Variants in CD1D observed in about 807,000 individuals in gnomAD.
The protein encoded by CD1D is CD1d molecule.
Under a neutral mutation model 42.1 loss-of-function variants are expected in CD1D, and 40 were observed. The observed-to-expected ratio is 0.95, with a 90% CI of 0.74 to 1.24. CD1D has a LOEUF of 1.24. CD1D is among the 50% of genes most tolerant of loss of function. The pLI is 0.00. For missense variants in CD1D, 437 were observed against 416.5 expected (o/e 1.05, Z -0.43); for synonymous variants, 178 against 171.8 (o/e 1.04, Z -0.28).
rs924509776 is a variant in CD1D at position 158,182,426 on chromosome 1, G to A, written c.607+116G>A. The A allele has an allele frequency of 3.5e-6, 4 of 1,141,264 alleles. No homozygotes were observed. The African/African-American group carries it at 4.6e-5, about 13-fold the overall frequency. 70.7% of individuals were successfully genotyped at this position (1,141,264 alleles called of 1,614,324 possible). A position where few individuals can be genotyped will look rare whatever the true frequency, so the allele number is the denominator to read the frequency against. ...AGAAGAGGAAGGCCCAGGAGGGGCT[G>A]GATAAGGGGTGAGGGTATTTATTCA... On this transcript the variant is annotated intron_variant, in intron 3 of 5. Transcript: ENST00000674085.
Position 158,181,483 on chromosome 1 carries a change from C to T in CD1D, c.90C>T (p.Cys30=). 1 of 1,614,154 alleles carries T rather than the reference C, an allele frequency of 6.2e-7. No homozygotes were observed. The highest frequency in any genetic ancestry group is 8.5e-7 in the Non-Finnish European group (1 of 1,180,002). Residue 30 remains cysteine, a synonymous_variant, in exon 2 of 6, where the codon TGC becomes TGT. Coordinates refer to ENST00000674085, the MANE Select transcript of CD1D (RefSeq NM_001371762.2). The part of the protein sequence containing the change: ...EVPQRLFPLR[C]LQISSFANSS... ...CGCAAAGGCTTTTCCCCCTCCGCTG[C>T]CTCCAGATCTCGTCCTTCGCCAATA... is the stretch of plus-strand genomic sequence containing the variant.
At position 158,184,356 on chromosome 1, in the gene CD1D, A is replaced by C; in HGVS notation, c.*206A>C. 1 of 604,920 alleles carries C rather than the reference A, an allele frequency of 1.7e-6. No individual in the cohort carries two copies. Among genetic ancestry groups the C allele is most frequent in the Non-Finnish European group, 2.9e-6 (1 of 344,092 alleles). 37.5% of individuals were successfully genotyped at this position (604,920 alleles called of 1,614,324 possible). On this transcript the variant is annotated 3_prime_UTR_variant, in exon 6 of 6. Coordinates refer to ENST00000674085, the MANE Select transcript of CD1D (RefSeq NM_001371762.2). ...AAAGAATTTAAATTCTTTTTCAAAA[A>C]TTACACTACAAGTTTATAAGCCCAA...
chr1:158,181,970 T>A (rs947296336), intron 2 of CD1D, 62 bp from the exon 3 acceptor site: 30 of 1,523,288 alleles, frequency 2.0e-5, no homozygotes, highest in Non-Finnish European at 2.3e-5. Context: ...ATCAATTTCT[T>A]CTCTTTCATC....
chr1:158,183,857 C>T (rs1648575785), intron 4 of CD1D, 79 bp from the exon 5 acceptor site: 3 of 1,098,060 alleles, frequency 2.7e-6, no homozygotes, highest in East Asian at 2.4e-5. Context: ...GGTACCCTCA[C>T]ACATGCCTAG....
chr1:158,185,405 A>G lies in CD1D; in HGVS notation c.*1255A>G, dbSNP rs547596250. Among the ~76,000 whole-genome samples the G allele has an allele frequency of 2.6e-5, 4 of 152,308 alleles. No homozygotes were observed. The highest frequency in any genetic ancestry group is 6.5e-5 in the Admixed American group (1 of 15,306). On this transcript the variant is annotated 3_prime_UTR_variant, in exon 6 of 6. Transcript: ENST00000674085. ...GCGTGAAGATTCTGCTAGCTTCAAC[A>G]TATCCCAAAGCACTTGGATATGCCT... is the stretch of plus-strand genomic sequence containing the variant.
Position 158,183,918 on chromosome 1 carries a change from T to C in CD1D, c.887-18T>C. On this transcript the variant is annotated intron_variant, in intron 4 of 5. Coordinates refer to ENST00000674085, the MANE Select transcript of CD1D (RefSeq NM_001371762.2). ...AGGGGTCCTGTGCTGAGAGACAGCC[T>C]ATGTTCCTCCAGAGCAGGTGGGAGC... The C allele has an allele frequency of 6.2e-7, 1 of 1,601,834 alleles. No individual in the cohort carries two copies. The highest frequency in any genetic ancestry group is 2.2e-5 in the East Asian group (1 of 44,824).
chr1:158,183,319 A>G (rs1648547479), intron 4 of CD1D, among the ~76,000 whole-genome samples, 163 bp downstream of exon 4: 1 of 152,118 alleles, frequency 6.6e-6, no homozygotes, highest in Non-Finnish European at 1.5e-5. Context: ...CACAGGAAGG[A>G]GGGAAATAAA....
upstream of CD1D, among the ~76,000 whole-genome samples, chr1:158,180,462 ACT>A (rs1648339909): frequency 6.6e-6 from 1 of 152,162 alleles, no homozygotes; most frequent in African/African-American, 2.4e-5. Flanking sequence ...GCTAGGGAAC[ACT>A]GAGGTGGAGG....
upstream of CD1D, among the ~76,000 whole-genome samples, chr1:158,178,958 A>C (rs945246120): frequency 1.3e-5 from 2 of 152,168 alleles, no homozygotes; most frequent in African/African-American, 2.4e-5. Context: ...GATAGTCCTA[A>C]CTTCTGAAGG....
intron 4 of CD1D, among the ~76,000 whole-genome samples, 177 bp from the exon 5 acceptor site, chr1:158,183,759 G>A (rs553337835): frequency 6.6e-6 from 1 of 152,302 alleles, no homozygotes; most frequent in East Asian, 1.9e-4. Context: ...AATTTGGGAT[G>A]CCCAGGCACT....
chr1:158,180,664 G>A (rs1189944230), upstream of CD1D, among the ~76,000 whole-genome samples: 8 of 152,194 alleles, frequency 5.3e-5, no homozygotes, highest in Non-Finnish European at 7.3e-5. Context: ...CTAGAGACAT[G>A]TACTGCTAAA....
upstream of CD1D, among the ~76,000 whole-genome samples, chr1:158,178,726 T>C (rs1487381012): frequency 6.6e-6 from 1 of 152,190 alleles, no homozygotes; most frequent in Non-Finnish European, 1.5e-5. Flanking sequence ...GATCATGTAG[T>C]ACCCACCGTG....
intron 4 of CD1D, 99 bp downstream of exon 4, chr1:158,183,255 G>A: frequency 7.0e-7 from 1 of 1,420,584 alleles, no homozygotes; most frequent in Non-Finnish European, 9.4e-7. Flanking sequence ...ACCCAGGTTA[G>A]AGGAGTTTCA....
At chr1:158,182,473 A>G in intron 3 of CD1D, 163 bp downstream of exon 3, 1 of 742,490 alleles carries the variant, frequency 1.3e-6, no homozygotes, top group Non-Finnish European at 2.2e-6. Context: ...TCAACTGAGC[A>G]CCTCTTGGGT....
Position 158,182,018 on chromosome 1 carries a change from A to G in CD1D, c.329-14A>G. On this transcript the variant is annotated splice_polypyrimidine_tract_variant and intron_variant, in intron 2 of 5. Transcript: ENST00000674085. Reference sequence around the variant, plus strand: ...TTAAACCCTTCTTTGATCTTTCTCCATTCCTCTCCACAGATCCCTTGGAGC... The same window carrying G: ...TTAAACCCTTCTTTGATCTTTCTCCGTTCCTCTCCACAGATCCCTTGGAGC... 6.3e-7 allele frequency: 1 copy of G among 1,580,512 alleles called. No individual in the cohort carries two copies. Among genetic ancestry groups the G allele is most frequent in the Non-Finnish European group, 8.6e-7 (1 of 1,165,146 alleles).
chr1:158,183,272 A>G (rs980136194), intron 4 of CD1D, 116 bp downstream of exon 4: 14 of 1,243,248 alleles, frequency 1.1e-5, no homozygotes, highest in Admixed American at 2.8e-5. Flanking sequence ...TTCAGAGATG[A>G]GGCCCCCAGT....
Position 158,182,142 on chromosome 1 carries a change from A to G in CD1D, c.439A>G (p.Thr147Ala), listed in dbSNP as rs1648465372. Residue 147 changes from threonine to alanine, a missense_variant, in exon 3 of 6, where the codon ACT becomes GCT. By Grantham distance (58) the Thr-to-Ala change is moderately conservative. Coordinates refer to ENST00000674085, the MANE Select transcript of CD1D (RefSeq NM_001371762.2). ...AAAAGATATCCTGAGTTTCCAAGGAACTTCTTGGGAGCCAACCCAAGAGGC... is the reference window on the plus strand; with the variant it reads ...AAAAGATATCCTGAGTTTCCAAGGAGCTTCTTGGGAGCCAACCCAAGAGGC... ...QGKDILSFQGTSWEPTQEAPL... is the reference protein window; with the variant it reads ...QGKDILSFQGASWEPTQEAPL... The G allele has an allele frequency of 6.2e-7, 1 of 1,614,156 alleles. No individual in the cohort carries two copies. The highest frequency in any genetic ancestry group is 8.5e-7 in the Non-Finnish European group (1 of 1,180,030).
rs759359465 is a variant in CD1D at position 158,181,556 on chromosome 1, A to T, written c.163A>T (p.Thr55Ser). The T allele has an allele frequency of 4.3e-6, 7 of 1,614,062 alleles. No individual in the cohort carries two copies. The highest frequency in any genetic ancestry group is 1.1e-5 in the South Asian group (1 of 91,060). ...DGLAWLGELQ[T>S]HSWSNDSDTV... is the part of the protein sequence containing the mutation. ...CTTGGCGTGGCTGGGGGAGCTGCAGACGCACAGCTGGAGCAACGACTCGGA... is the reference window on the plus strand; with the variant it reads ...CTTGGCGTGGCTGGGGGAGCTGCAGTCGCACAGCTGGAGCAACGACTCGGA... Residue 55 changes from threonine (T) to serine (S), a missense_variant, in exon 2 of 6, where the codon ACG becomes TCG. Physicochemically the swap from Thr to Ser is moderately conservative, Grantham distance 58. Coordinates refer to ENST00000674085, the MANE Select transcript of CD1D (RefSeq NM_001371762.2).
intron 2 of CD1D, 138 bp from the exon 3 acceptor site, chr1:158,181,894 T>G: frequency 7.4e-7 from 1 of 1,346,204 alleles, no homozygotes; most frequent in East Asian, 2.3e-5. Flanking sequence ...GTGTCCCTCG[T>G]TCCTGCCTAC....
Sources: gnomAD v4.1 joint callset for allele counts (sites outside exome capture counted in the v4.1 genomes callset) on GRCh38, gnomAD v4.1.1 for gene constraint, MANE v1.5 for transcripts, NCBI Gene and HGNC (gene_info 2026-07-23, HGNC 2026-07-21) for gene names.